LDB2: variants seen among roughly 807,000 people sequenced by gnomAD.
LDB2 encodes LIM domain binding 2, also known as LIM domain-binding protein 2.
LDB2 carries 12 observed loss-of-function variants against 44.3 expected under a neutral mutation model. The ratio of observed to expected loss-of-function variants is 0.27; its 90% CI spans 0.17 to 0.44. LDB2 has a LOEUF of 0.44. LDB2 is among the 20% of genes least tolerant of loss of function. LDB2 has a pLI of 1.00. For missense variants in LDB2, 344 were observed against 473.5 expected (o/e 0.73, Z 2.54); for synonymous variants, 164 against 174.8 (o/e 0.94, Z 0.49).
intron 1 of LDB2, among the ~76,000 whole-genome samples, chr4:16,822,481 T>C (rs1359833713): frequency 6.6e-6 from 1 of 152,138 alleles, no homozygotes; most frequent in East Asian, 1.9e-4. Context: ...CTCTACATAA[T>C]CTTAGTTTTC....
intron 2 of LDB2, among the ~76,000 whole-genome samples, chr4:16,744,254 TC>T (rs1329998160): frequency 3.3e-5 from 5 of 151,828 alleles, no homozygotes; most frequent in African/African-American, 7.3e-5. Flanking sequence ...CCTCCTGGGT[TC>T]AAGTGATTCT....
chr4:16,875,603 G>A (rs1344018291), intron 1 of LDB2, among the ~76,000 whole-genome samples: 2 of 152,332 alleles, frequency 1.3e-5, no homozygotes, highest in Middle Eastern at 3.4e-3. Context: ...TTGACCAATA[G>A]AAGAGTCTCT....
At chr4:16,658,642 C>T (rs916481650) in intron 2 of LDB2, among the ~76,000 whole-genome samples, 2 of 152,114 alleles carry the variant, frequency 1.3e-5, no homozygotes, top group Admixed American at 1.3e-4. Context: ...AAGCACATTT[C>T]AGGACAAACA....
At chr4:16,868,821 T>TC (rs1715548592) in intron 1 of LDB2, among the ~76,000 whole-genome samples, 1 of 152,174 alleles carries the variant, frequency 6.6e-6, no homozygotes, top group African/African-American at 2.4e-5. Context: ...ATAATGGTGG[T>TC]CATGGTGTTG....
At chr4:16,576,427 T>TAAA (rs1377043021) in intron 5 of LDB2, among the ~76,000 whole-genome samples, 1 of 151,776 alleles carries the variant, frequency 6.6e-6, no homozygotes, top group Non-Finnish European at 1.5e-5. Context: ...TACAGAAATT[T>TAAA]AAAAGGTCCT....
chr4:16,628,729 T>A (rs1731017929), intron 2 of LDB2, among the ~76,000 whole-genome samples: 1 of 152,044 alleles, frequency 6.6e-6, no homozygotes, highest in Non-Finnish European at 1.5e-5. Flanking sequence ...CTGAGGTACC[T>A]GGTTCATCTC....
intron 2 of LDB2, chr4:16,741,591 A>C (rs545538152): frequency 1.3e-5 from 2 of 152,308 alleles, no homozygotes; most frequent in African/African-American, 4.8e-5. Flanking sequence ...TCTATCCCAA[A>C]TCTACAGTCT....
chr4:16,822,817 C>T (rs568778945), intron 1 of LDB2, among the ~76,000 whole-genome samples: 23 of 152,298 alleles, frequency 1.5e-4, no homozygotes, highest in Middle Eastern at 3.4e-3. Context: ...TGCCCGACCA[C>T]GTGCTCTTAT....
chr4:16,850,107 T>C (rs979246940), intron 1 of LDB2, among the ~76,000 whole-genome samples: 1 of 152,270 alleles, frequency 6.6e-6, no homozygotes, highest in African/African-American at 2.4e-5. Context: ...TGGGAGACTA[T>C]GAAGGTAGCA....
At chr4:16,813,863 T>A (rs1413310921) in intron 1 of LDB2, among the ~76,000 whole-genome samples, 2 of 151,010 alleles carry the variant, frequency 1.3e-5, no homozygotes, top group African/African-American at 4.9e-5. Flanking sequence ...ACTGATTTTC[T>A]TTTCTTTTCT....
intron 5 of LDB2, among the ~76,000 whole-genome samples, chr4:16,528,565 C>T (rs891039226): frequency 4.6e-5 from 7 of 152,248 alleles, no homozygotes; most frequent in South Asian, 2.1e-4. Context: ...GAGAGGCTGA[C>T]GGTAAGCAAC....
At chr4:16,507,948 T>A (rs1252010928) in intron 7 of LDB2, among the ~76,000 whole-genome samples, 1 of 152,008 alleles carries the variant, frequency 6.6e-6, no homozygotes, top group Non-Finnish European at 1.5e-5. Flanking sequence ...GATAAAGAAA[T>A]GAAAGAAAGG....
At chr4:16,628,927 C>G (rs1164892428) in intron 2 of LDB2, among the ~76,000 whole-genome samples, 2 of 152,234 alleles carry the variant, frequency 1.3e-5, no homozygotes, top group Non-Finnish European at 2.9e-5. Flanking sequence ...CATGGTCTCA[C>G]AACCGGTAGA....
chr4:16,649,211 C>G lies in LDB2; in HGVS notation c.236-53336G>C, dbSNP rs1421597613. On this transcript the variant is annotated intron_variant, in intron 2 of 7. Coordinates refer to ENST00000304523, the MANE Select transcript of LDB2 (RefSeq NM_001290.5). Reference sequence around the variant, plus strand: ...TACAATATTTGGCTTTCAGGGTAAGCTGAAGTAAGAACTGCAGGTCTTGCT... The same window carrying G: ...TACAATATTTGGCTTTCAGGGTAAGGTGAAGTAAGAACTGCAGGTCTTGCT... Among the ~76,000 whole-genome samples, 4 of 152,156 alleles carry G rather than the reference C, an allele frequency of 2.6e-5. No individual in the cohort carries two copies. The East Asian group carries it at 7.7e-4, about 29-fold the overall frequency.
intron 2 of LDB2, among the ~76,000 whole-genome samples, chr4:16,728,259 T>A (rs987266781): frequency 6.6e-6 from 1 of 152,058 alleles, no homozygotes; most frequent in Admixed American, 6.6e-5. Context: ...GAAGAGTAAA[T>A]CCTTCATGCA....
intron 2 of LDB2, among the ~76,000 whole-genome samples, chr4:16,685,221 G>GTCTC (rs1748925665): frequency 6.6e-6 from 1 of 152,192 alleles, no homozygotes; most frequent in South Asian, 2.1e-4. Flanking sequence ...CAGAGCTTGA[G>GTCTC]TCCCAGGAGA....
At chr4:16,785,200 G>A (rs201004666) in intron 1 of LDB2, among the ~76,000 whole-genome samples, 2 of 151,874 alleles carry the variant, frequency 1.3e-5, no homozygotes, top group African/African-American at 4.8e-5. Flanking sequence ...AGAACTAAAC[G>A]TGACACAAAG....
At chr4:16,787,364 G>T (rs1406502740) in intron 1 of LDB2, among the ~76,000 whole-genome samples, 1 of 152,138 alleles carries the variant, frequency 6.6e-6, no homozygotes, top group African/African-American at 2.4e-5. Context: ...TGTAATCCCA[G>T]CATTTTGGGA....
chr4:16,698,758 A>T (rs1752761723), intron 2 of LDB2, among the ~76,000 whole-genome samples: 1 of 152,198 alleles, frequency 6.6e-6, no homozygotes, highest in African/African-American at 2.4e-5. Context: ...AGAAGTTTGT[A>T]ATTTAAGTAA....
Sources: allele counts gnomAD v4.1 joint callset (sites outside exome capture counted in the v4.1 genomes callset), GRCh38; gene constraint gnomAD v4.1.1; transcripts MANE v1.5; gene names NCBI Gene and HGNC (gene_info 2026-07-23, HGNC 2026-07-21).